Variants in MRPL42 observed in about 807,000 individuals in gnomAD.
MRPL42 encodes large ribosomal subunit protein mL42.
MRPL42 carries 17 observed loss-of-function variants against 17.9 expected under a neutral mutation model. The observed-to-expected ratio is 0.95, with a 90% confidence interval of 0.65 to 1.42. The LOEUF is 1.42. Ranked by LOEUF, MRPL42 falls within the 40% of genes most tolerant of loss-of-function variation. The pLI, the probability that MRPL42 is intolerant of heterozygous loss-of-function variation, is 0.00. For missense variants in MRPL42, 177 were observed against 175.2 expected, an observed-to-expected ratio of 1.01 and a Z score of -0.06; for synonymous variants, 59 against 54.4, an observed-to-expected ratio of 1.08 and a Z score of -0.37.
At chr12:93,497,371 AT>A (rs976606224) in intron 5 of MRPL42, among the ~76,000 whole-genome samples, 4 of 152,220 alleles carry the variant, frequency 2.6e-5, no homozygotes, top group Non-Finnish European at 5.9e-5. Context: ...ACATCAAAAA[AT>A]TAATTCACCA....
chr12:93,472,860 T>C (rs1879975863), intron 2 of MRPL42, among the ~76,000 whole-genome samples: 2 of 152,188 alleles, frequency 1.3e-5, no homozygotes, highest in South Asian at 4.1e-4. Context: ...TGTAGTATTA[T>C]CCTCTTTATG....
chr12:93,474,981 T>C (rs1880091120), intron 2 of MRPL42, among the ~76,000 whole-genome samples: 1 of 152,028 alleles, frequency 6.6e-6, no homozygotes, highest in African/African-American at 2.4e-5. Flanking sequence ...TAATCTCAGC[T>C]ACTCGAGGGA....
rs142505304 is a variant in MRPL42, at chr12:93,478,910, TTTTATTTA to T, written c.135-450_135-443del. 3.1e-3 allele frequency among the ~76,000 whole-genome samples: 287 copies of T among 91,492 alleles called. 1 individual carries two copies. Among genetic ancestry groups the T allele is most frequent in the Non-Finnish European group, 4.8e-3 (147 of 30,842 alleles). The allele number at this position is 91,492 out of a possible 152,430, so 60.0% of individuals were successfully genotyped here. A position where few individuals can be genotyped will look rare whatever the true frequency, so the allele number is the denominator to read the frequency against. On this transcript the variant is annotated intron_variant, in intron 3 of 5. Coordinates refer to ENST00000549982, the MANE Select transcript of MRPL42 (RefSeq NM_014050.4). ...TCAGCAATTTGTGATTAATTTTAGC[TTTTATTTA>T]TTTATTTATTTATTTATTTATTTAT...
chr12:93,487,039 A>T (rs1262063202), intron 4 of MRPL42, among the ~76,000 whole-genome samples: 1 of 152,194 alleles, frequency 6.6e-6, no homozygotes, highest in African/African-American at 2.4e-5. Flanking sequence ...GTGTGATCAC[A>T]GGTAGCCTCG....
Position 93,501,174 on chromosome 12 carries a change from A to T in MRPL42, c.384-2A>T. ...TATTCCAAGTATTTTCTTCTTTTCA[A>T]GGTATCACAGATGTCGTAAGAATCT... On this transcript the variant is annotated splice_acceptor_variant, in intron 5 of 5. Transcript: ENST00000549982. LOFTEE classifies it high-confidence loss of function. The T allele has an allele frequency of 6.3e-7, 1 of 1,592,268 alleles. No individual in the cohort carries two copies. Among genetic ancestry groups the T allele is most frequent in the South Asian group, 1.2e-5 (1 of 86,482 alleles).
chr12:93,484,983 T>C (rs868625673), intron 4 of MRPL42, among the ~76,000 whole-genome samples: 2,469 of 9,430 alleles, frequency 0.26, 598 homozygotes, highest in Middle Eastern at 0.4. Context: ...CACACACATA[T>C]ATATATATAT....
chr12:93,497,182 A>G (rs1456067865), intron 5 of MRPL42, among the ~76,000 whole-genome samples: 1 of 152,118 alleles, frequency 6.6e-6, no homozygotes, highest in Non-Finnish European at 1.5e-5. Context: ...TCCCCCAACA[A>G]CAACAACAAA....
intron 3 of MRPL42, among the ~76,000 whole-genome samples, chr12:93,477,861 C>T (rs550841746): frequency 8.5e-5 from 13 of 152,302 alleles, no homozygotes; most frequent in African/African-American, 3.1e-4. Context: ...TGGGGTTTCA[C>T]CATGTTAGCC....
At chr12:93,479,650 G>A (rs1880361530) in intron 4 of MRPL42, among the ~76,000 whole-genome samples, 178 bp downstream of exon 4, 1 of 151,272 alleles carries the variant, frequency 6.6e-6, no homozygotes, top group Non-Finnish European at 1.5e-5. Flanking sequence ...TTTCTTTACA[G>A]TCTTTTTTCA....
chr12:93,495,751 T>G (rs1213197755), intron 5 of MRPL42, among the ~76,000 whole-genome samples: 2 of 152,226 alleles, frequency 1.3e-5, no homozygotes, highest in South Asian at 4.1e-4. Context: ...TGACCTTGAT[T>G]AAGAATCTGA....
At position 93,509,852 on chromosome 12, in the gene MRPL42, T is replaced by G. The variant is rs539881008; in HGVS notation, c.*8631T>G. Reference sequence around the variant, plus strand: ...GAGAGGAGGGTACAGAAATAACTTATATATCCTCAGTGCTCCCCTCCCCCA... The same window carrying G: ...GAGAGGAGGGTACAGAAATAACTTAGATATCCTCAGTGCTCCCCTCCCCCA... On this transcript the variant is annotated 3_prime_UTR_variant, in exon 6 of 6. Transcript: ENST00000549982. The G allele has an allele frequency of 6.6e-6, 1 of 152,074 alleles. No individual in the cohort carries two copies. Among genetic ancestry groups the G allele is most frequent in the South Asian group, 2.1e-4 (1 of 4,824 alleles). The allele number at this position is 152,074 out of a possible 1,614,324, so 9.4% of individuals were successfully genotyped here. A position where few individuals can be genotyped will look rare whatever the true frequency, so the allele number is the denominator to read the frequency against.
intron 1 of MRPL42, among the ~76,000 whole-genome samples, chr12:93,468,411 C>A (rs949946669): frequency 5.3e-5 from 8 of 152,188 alleles, no homozygotes; most frequent in African/African-American, 1.9e-4. Context: ...TGGTTTTCCC[C>A]ATTTTGTCAT....
Position 93,480,703 on chromosome 12 carries a change from G to A in MRPL42, c.219+1231G>A, listed in dbSNP as rs575841597. On this transcript the variant is annotated intron_variant, in intron 4 of 5. Coordinates refer to ENST00000549982, the MANE Select transcript of MRPL42 (RefSeq NM_014050.4). ...ACTACAGGCGTGCACTACCACACCCGGCTAATTTTTGTATTTTTAGTAGAG... is the reference window on the plus strand; with the variant it reads ...ACTACAGGCGTGCACTACCACACCCAGCTAATTTTTGTATTTTTAGTAGAG... 2.8e-4 allele frequency among the ~76,000 whole-genome samples: 42 copies of A among 151,568 alleles called. No individual in the cohort carries two copies. The South Asian group carries it at 7.3e-3, about 26-fold the overall frequency.
chr12:93,477,583 CTT>C (rs1880241037), intron 3 of MRPL42, among the ~76,000 whole-genome samples: 1 of 152,082 alleles, frequency 6.6e-6, no homozygotes, highest in Non-Finnish European at 1.5e-5. Context: ...TTTCTTCTCT[CTT>C]GACACTAGTT....
At chr12:93,488,774 T>C (rs1476751372) in intron 5 of MRPL42, among the ~76,000 whole-genome samples, 1 of 152,214 alleles carries the variant, frequency 6.6e-6, no homozygotes, top group Non-Finnish European at 1.5e-5. Flanking sequence ...TTTTCCTCTT[T>C]TTGATTTTTT....
intron 4 of MRPL42, among the ~76,000 whole-genome samples, chr12:93,481,013 A>C (rs1023755366): frequency 1.3e-5 from 2 of 152,158 alleles, no homozygotes; most frequent in African/African-American, 2.4e-5. Context: ...CCTCCAGGTC[A>C]CACTATGTTG....
rs900838133 is a variant in MRPL42, at chr12:93,503,921, A to C, written c.*2700A>C. The C allele has an allele frequency of 6.6e-6, 1 of 151,570 alleles. No homozygotes were observed. The highest frequency in any genetic ancestry group is 2.4e-5 in the African/African-American group (1 of 41,220). 9.4% of individuals were successfully genotyped at this position (151,570 alleles called of 1,614,324 possible). ...TAGACAAAATCATTGTTTCTGTTCCATCTTGTGAATAATGCTGTTATTAAC... is the reference window on the plus strand; with the variant it reads ...TAGACAAAATCATTGTTTCTGTTCCCTCTTGTGAATAATGCTGTTATTAAC... On this transcript the variant is annotated 3_prime_UTR_variant, in exon 6 of 6. Transcript: ENST00000549982.
chr12:93,488,880 G>T (rs2121239824), intron 5 of MRPL42, among the ~76,000 whole-genome samples: 1 of 150,444 alleles, frequency 6.6e-6, no homozygotes, highest in East Asian at 1.9e-4. Context: ...TTGTGAGAAG[G>T]AGGTCTCATT....
At chr12:93,497,727 C>T (rs1192880887) in intron 5 of MRPL42, among the ~76,000 whole-genome samples, 3 of 146,366 alleles carry the variant, frequency 2.0e-5, no homozygotes, top group African/African-American at 7.7e-5. Context: ...GAAGTCCTAG[C>T]CAGAGCAATC....
Sources: allele counts gnomAD v4.1 joint callset (sites outside exome capture counted in the v4.1 genomes callset), GRCh38; gene constraint gnomAD v4.1.1; transcripts MANE v1.5; gene names NCBI Gene and HGNC (gene_info 2026-07-23, HGNC 2026-07-21).